UST: variants seen among roughly 807,000 people sequenced by gnomAD.
The protein encoded by UST is uronyl 2-sulfotransferase, also known as chondroitin sulfate 2-O-sulfotransferase.
UST carries 21 observed loss-of-function variants against 45.6 expected under a neutral mutation model. The ratio of observed to expected loss-of-function variants is 0.46; its 90% confidence interval spans 0.33 to 0.66. The LOEUF is 0.66. Ranked by LOEUF, UST falls within the 30% of genes least tolerant of loss-of-function variation. The probability of loss-of-function intolerance (pLI) is 0.02; values close to 1 mark genes in which losing one functional copy is unlikely to be tolerated. For synonymous variants in UST, 215 were observed against 200.6 expected (o/e 1.07, Z -0.61); for missense variants, 463 against 512.4 (o/e 0.90, Z 0.93).
chr6:148,827,950 A>G (rs536776037), intron 1 of UST, among the ~76,000 whole-genome samples: 1 of 152,174 alleles, frequency 6.6e-6, no homozygotes, highest in Non-Finnish European at 1.5e-5. Flanking sequence ...AATTCTTCCT[A>G]TAACAATCTA....
intron 2 of UST, among the ~76,000 whole-genome samples, chr6:148,921,749 G>C (rs1779711710): frequency 2.0e-5 from 3 of 152,154 alleles, no homozygotes; most frequent in Admixed American, 1.3e-4. Context: ...GAAGGGGACA[G>C]AGGCCCTTCA....
chr6:148,971,192 C>T (rs1780910207), intron 5 of UST, among the ~76,000 whole-genome samples: 1 of 150,032 alleles, frequency 6.7e-6, no homozygotes, highest in South Asian at 2.1e-4. Context: ...GCTTTCCTGG[C>T]CCTAGTCTGC....
In UST at chr6:149,018,330, C is replaced by G. The variant is rs182958906; in HGVS notation, c.682-809C>G. Among the ~76,000 whole-genome samples, 941 of 152,282 alleles carry G rather than the reference C, an allele frequency of 6.2e-3. 10 individuals carry two copies. Among genetic ancestry groups the G allele is most frequent in the African/African-American group, 0.022 (917 of 41,558 alleles). On this transcript the variant is annotated intron_variant, in intron 5 of 7. Coordinates refer to ENST00000367463, the MANE Select transcript of UST (RefSeq NM_005715.3). ...GGGAGTTGTGTCCAGTCTTAATCTG[C>G]CTTGCCAGTATAGTCTCTGGAAAAA...
intron 7 of UST, among the ~76,000 whole-genome samples, chr6:149,033,929 A>G (rs1331665081): frequency 6.6e-6 from 1 of 152,204 alleles, no homozygotes; most frequent in Non-Finnish European, 1.5e-5. Flanking sequence ...TTGCAGAGCC[A>G]ATCACTTTCA....
intron 7 of UST, among the ~76,000 whole-genome samples, chr6:149,029,467 A>ATAATATATTATATATACATTATATAT (rs1776105953): frequency 7.0e-6 from 1 of 143,602 alleles, no homozygotes; most frequent in African/African-American, 2.6e-5. Context: ...ATTATATATT[A>ATAATATATTATATATACATTATATAT]TATATATAAT....
intron 1 of UST, among the ~76,000 whole-genome samples, chr6:148,831,021 GAAAAGAAAGGAAAATT>G (rs1777674367): frequency 7.6e-6 from 1 of 132,332 alleles, no homozygotes; most frequent in Admixed American, 8.2e-5. Context: ...TTTTTACATT[GAAAAGAAAGGAAAATT>G]AAAAGAAAGA....
rs1452068952 is a variant in UST, at chr6:149,074,312, G to T, written c.*196G>T. On this transcript the variant is annotated 3_prime_UTR_variant, in exon 8 of 8. Transcript: ENST00000367463. ...TAATTTTATTCTGTGTTTTCTCTTG[G>T]CTCTTTGGGTCTTTCCCGGGTACAC... 1 of 637,912 alleles carries T rather than the reference G, an allele frequency of 1.6e-6. No homozygotes were observed. Among genetic ancestry groups the T allele is most frequent in the East Asian group, 2.8e-5 (1 of 35,700 alleles). The allele number at this position is 637,912 out of a possible 1,614,324, so 39.5% of individuals were successfully genotyped here. A position where few individuals can be genotyped will look rare whatever the true frequency, so the allele number is the denominator to read the frequency against.
chr6:148,915,444 GA>G (rs923682556), intron 2 of UST, among the ~76,000 whole-genome samples: 12 of 151,734 alleles, frequency 7.9e-5, no homozygotes, highest in African/African-American at 2.4e-4. Flanking sequence ...AAGAGGGTAG[GA>G]AAAAAAAGCC....
rs141988137 is a variant in UST, at chr6:148,778,774, C to A, written c.247+31097C>A. Among the ~76,000 whole-genome samples the A allele has an allele frequency of 5.6e-4, 85 of 152,278 alleles. 1 individual carries two copies. Among genetic ancestry groups the A allele is most frequent in the African/African-American group, 1.8e-3 (75 of 41,570 alleles). On this transcript the variant is annotated intron_variant, in intron 1 of 7. Transcript: ENST00000367463. The stretch of plus-strand genomic sequence containing the variant: ...TTGATTTAAGAATTGAAACTCCAGG[C>A]CTGGGGCAACTTGCCGAGGGTTATA...
chr6:148,768,047 T>C (rs1345834744), intron 1 of UST, among the ~76,000 whole-genome samples: 1 of 152,194 alleles, frequency 6.6e-6, no homozygotes, highest in Non-Finnish European at 1.5e-5. Context: ...GCTGGTTAAA[T>C]GTATACCAAT....
At chr6:148,887,977 C>T (rs1161666997) in intron 2 of UST, among the ~76,000 whole-genome samples, 3 of 152,168 alleles carry the variant, frequency 2.0e-5, no homozygotes, top group South Asian at 4.1e-4. Context: ...AATGAACCCC[C>T]AACCTTAGAG....
intron 5 of UST, among the ~76,000 whole-genome samples, chr6:148,976,783 A>T (rs1781025331): frequency 6.6e-6 from 1 of 152,168 alleles, no homozygotes. Flanking sequence ...TTTTGATATA[A>T]ATTGCAAGTA....
At chr6:148,950,926 G>GA (rs1780351540) in intron 3 of UST, among the ~76,000 whole-genome samples, 1 of 152,236 alleles carries the variant, frequency 6.6e-6, no homozygotes. Flanking sequence ...ATACAGAGGG[G>GA]AGATCAAAGG....
At chr6:148,969,381 C>G (rs998555860) in intron 5 of UST, among the ~76,000 whole-genome samples, 2 of 152,144 alleles carry the variant, frequency 1.3e-5, no homozygotes, top group Non-Finnish European at 1.5e-5. Flanking sequence ...ATTTAGCTTC[C>G]AATTGTAGGC....
intron 5 of UST, among the ~76,000 whole-genome samples, chr6:148,982,104 G>GT (rs34290272): frequency 0.69 from 99,953 of 145,208 alleles, 34,945 homozygotes; most frequent in South Asian, 0.83. Flanking sequence ...AGCCTTTTTT[G>GT]TTTTTTTTTT....
chr6:149,067,616 G>C (rs1481465313), intron 7 of UST, among the ~76,000 whole-genome samples: 1 of 152,276 alleles, frequency 6.6e-6, no homozygotes, highest in African/African-American at 2.4e-5. Context: ...TGTCAGGCTG[G>C]TAAGGTGACA....
At chr6:148,801,980 T>C (rs1221323586) in intron 1 of UST, among the ~76,000 whole-genome samples, 2 of 152,144 alleles carry the variant, frequency 1.3e-5, no homozygotes, top group Non-Finnish European at 2.9e-5. Context: ...TAAATTTCAG[T>C]TTTCTCATCT....
At chr6:148,963,665 A>G (rs552756128) in intron 4 of UST, among the ~76,000 whole-genome samples, 2 of 152,338 alleles carry the variant, frequency 1.3e-5, no homozygotes, top group African/African-American at 2.4e-5. Flanking sequence ...TCAACTCCAG[A>G]AATCACTTTT....
chr6:148,808,450 G>A (rs1220515305), intron 1 of UST, among the ~76,000 whole-genome samples: 2 of 151,982 alleles, frequency 1.3e-5, no homozygotes, highest in African/African-American at 4.8e-5. Context: ...TTCTACTCCT[G>A]CCCTGGCAGC....
Sources: gnomAD v4.1 joint callset for allele counts (sites outside exome capture counted in the v4.1 genomes callset) on GRCh38, gnomAD v4.1.1 for gene constraint, MANE v1.5 for transcripts, NCBI Gene and HGNC (gene_info 2026-07-23, HGNC 2026-07-21) for gene names.